The following SLC13A1 variants were observed in gnomAD, a reference collection of about 807,000 sequenced individuals.
The protein encoded by SLC13A1 is Na(+)/sulfate cotransporter.
SLC13A1 carries 65 observed loss-of-function variants against 70.0 expected under a neutral mutation model. That is an observed-to-expected ratio of 0.93 (90% CI 0.76 to 1.14). The LOEUF is 1.14. Ranked by LOEUF, SLC13A1 falls within the 50% of genes most tolerant of loss-of-function variation. The pLI is 0.00. For synonymous variants in SLC13A1, 275 were observed against 250.5 expected, an observed-to-expected ratio of 1.10 and a Z score of -0.92; for missense variants, 726 against 717.8, an observed-to-expected ratio of 1.01 and a Z score of -0.13.
At chr7:123,180,709 G>A (rs925169556) in intron 2 of SLC13A1, among the ~76,000 whole-genome samples, 2 of 152,048 alleles carry the variant, frequency 1.3e-5, no homozygotes, top group East Asian at 1.9e-4. Context: ...TGAGAGGGAG[G>A]CACTAGGCAT....
At position 123,183,095 on chromosome 7, in the gene SLC13A1, A is replaced by T. The variant is rs147123629; in HGVS notation, c.100-1994T>A. Among the ~76,000 whole-genome samples, 7 of 152,164 alleles carry T rather than the reference A, an allele frequency of 4.6e-5. No individual in the cohort carries two copies. The East Asian group carries it at 1.4e-3, about 29-fold the overall frequency. On this transcript the variant is annotated intron_variant, in intron 1 of 14. Coordinates refer to ENST00000194130, the MANE Select transcript of SLC13A1 (RefSeq NM_022444.4). ...TAGTATTCAGCCAGTTGGTATACCA[A>T]CAAGCCCCCAGATCCTTTATGTGCT... is the stretch of plus-strand genomic sequence containing the variant.
In SLC13A1 at chr7:123,127,838, A is replaced by ATTTT. The variant is rs201644707; in HGVS notation, c.1133+1003_1133+1006dup. ...ATTTTGGTTTCTACCCCAAAATACAATTTTTTTTTTTTTTTTTTTTTTTTT... is the reference window on the plus strand; with the variant it reads ...ATTTTGGTTTCTACCCCAAAATACAATTTTTTTTTTTTTTTTTTTTTTTTTTTTT... On this transcript the variant is annotated intron_variant, in intron 10 of 14. Coordinates refer to ENST00000194130, the MANE Select transcript of SLC13A1 (RefSeq NM_022444.4). 1.5e-3 allele frequency among the ~76,000 whole-genome samples: 165 copies of ATTTT among 106,768 alleles called. 4 individuals are homozygous for ATTTT. The highest frequency in any genetic ancestry group is 6.1e-3 in the African/African-American group (154 of 25,178). The allele number at this position is 106,768 out of a possible 152,430, so 70.0% of individuals were successfully genotyped here.
At chr7:123,163,198 A>G (rs1270693570) in intron 6 of SLC13A1, among the ~76,000 whole-genome samples, 2 of 152,086 alleles carry the variant, frequency 1.3e-5, no homozygotes, top group Non-Finnish European at 2.9e-5. Flanking sequence ...CCCCAATGGA[A>G]CCTGACAAAT....
At position 123,147,210 on chromosome 7, in the gene SLC13A1, G is replaced by T. The variant is rs764094212; in HGVS notation, c.761C>A (p.Thr254Lys). Residue 254 changes from threonine (T) to lysine (K), a missense_variant, in exon 7 of 15, where the codon ACA becomes AAA. By Grantham distance (78) the Thr-to-Lys change is moderately conservative. Transcript: ENST00000194130. ...IAYSSTIGGL[T>K]TITGTSTNLI... ...GTTGGTGGAGGTACCAGTGATTGTTGTCAGTCCACCAATGGTAGAAGAGTA... is the reference window on the plus strand; with the variant it reads ...GTTGGTGGAGGTACCAGTGATTGTTTTCAGTCCACCAATGGTAGAAGAGTA... 9.9e-6 allele frequency: 16 copies of T among 1,613,532 alleles called. No homozygotes were observed. Among genetic ancestry groups the T allele is most frequent in the Non-Finnish European group, 1.2e-5 (14 of 1,179,798 alleles).
intron 13 of SLC13A1, among the ~76,000 whole-genome samples, chr7:123,118,282 A>C (rs1312986842): frequency 6.6e-6 from 1 of 152,186 alleles, no homozygotes; most frequent in African/African-American, 2.4e-5. Context: ...TAACTGTTCC[A>C]TGTTGAGAAA....
At chr7:123,141,487 A>T (rs1198801171) in intron 7 of SLC13A1, among the ~76,000 whole-genome samples, 1 of 152,122 alleles carries the variant, frequency 6.6e-6, no homozygotes, top group Non-Finnish European at 1.5e-5. Context: ...TGGAAGGTCC[A>T]TCTAATGCTG....
At position 123,168,493 on chromosome 7, in the gene SLC13A1, G is replaced by T. The variant is rs780279061; in HGVS notation, c.611+11C>A. On this transcript the variant is annotated intron_variant, in intron 5 of 14. Coordinates refer to ENST00000194130, the MANE Select transcript of SLC13A1 (RefSeq NM_022444.4). ...TGGAAAAATCCCAATCAAAATGTCA[G>T]TATTCCTTACCCTGGAACTGGTTTT... is the stretch of plus-strand genomic sequence containing the variant. 3 of 1,606,022 alleles carry T rather than the reference G, an allele frequency of 1.9e-6. No homozygotes were observed. In the Admixed American group the frequency reaches 5.0e-5, roughly 27 times the overall value.
chr7:123,116,370 T>C (rs909976533), intron 14 of SLC13A1, among the ~76,000 whole-genome samples: 4 of 152,250 alleles, frequency 2.6e-5, no homozygotes, highest in Admixed American at 2.6e-4. Context: ...ATATTTTCTT[T>C]GCTTTCATGA....
rs1328886962 is a variant in SLC13A1, at chr7:123,114,514, T to G, written c.*1004A>C. The G allele has an allele frequency of 2.0e-5, 3 of 152,158 alleles. No homozygotes were observed. Among genetic ancestry groups the G allele is most frequent in the African/African-American group, 7.2e-5 (3 of 41,432 alleles). The allele number at this position is 152,158 out of a possible 1,614,324, so 9.4% of individuals were successfully genotyped here. A position where few individuals can be genotyped will look rare whatever the true frequency, so the allele number is the denominator to read the frequency against. On this transcript the variant is annotated 3_prime_UTR_variant, in exon 15 of 15. Transcript: ENST00000194130. ...TCAGCAGTTTTCATTCTTATTCTTT[T>G]TTCCTTCTTTTTTTCATTTTTTCAT...
At chr7:123,187,011 ATAC>A (rs1246532102) in intron 1 of SLC13A1, among the ~76,000 whole-genome samples, 1 of 152,046 alleles carries the variant, frequency 6.6e-6, no homozygotes, top group East Asian at 1.9e-4. Flanking sequence ...TTCCTCAAAA[ATAC>A]TACTTTTCTA....
intron 1 of SLC13A1, among the ~76,000 whole-genome samples, chr7:123,192,862 A>G (rs1796044605): frequency 6.6e-6 from 1 of 152,154 alleles, no homozygotes; most frequent in African/African-American, 2.4e-5. Context: ...GGATAGTAAA[A>G]ATAAGTTCAA....
At chr7:123,122,719 A>T (rs1793425309) in intron 12 of SLC13A1, among the ~76,000 whole-genome samples, 1 of 152,082 alleles carries the variant, frequency 6.6e-6, no homozygotes. Flanking sequence ...CAATAGCATC[A>T]TGATATACTG....
At chr7:123,134,377 T>A (rs777045141) in intron 8 of SLC13A1, 33 bp downstream of exon 8, 11 of 1,603,010 alleles carry the variant, frequency 6.9e-6, no homozygotes, top group African/African-American at 1.3e-5. Context: ...TAGACACCTT[T>A]ATTTAGCCTA....
intron 7 of SLC13A1, among the ~76,000 whole-genome samples, chr7:123,140,641 G>C (rs1417648624): frequency 6.6e-6 from 1 of 151,934 alleles, no homozygotes; most frequent in Non-Finnish European, 1.5e-5. Flanking sequence ...TTTCCTCATG[G>C]TTCAATCTTG....
chr7:123,123,064 C>A, intron 12 of SLC13A1, 62 bp downstream of exon 12: 2 of 1,270,038 alleles, frequency 1.6e-6, no homozygotes, highest in South Asian at 2.4e-5. Flanking sequence ...GATTGAATGT[C>A]TCTGTGCTCT....
At chr7:123,185,244 A>G (rs1349960971) in intron 1 of SLC13A1, among the ~76,000 whole-genome samples, 3 of 151,924 alleles carry the variant, frequency 2.0e-5, no homozygotes, top group African/African-American at 7.3e-5. Flanking sequence ...TTGTCTTTTC[A>G]CTTTTGATTT....
intron 6 of SLC13A1, among the ~76,000 whole-genome samples, chr7:123,151,690 G>A (rs2470977): frequency 0.025 from 3,748 of 152,046 alleles, 151 homozygotes; most frequent in African/African-American, 0.086. Context: ...TGAATTGTTC[G>A]AGGTCCCAGA....
chr7:123,115,290 CA>C lies in SLC13A1; in HGVS notation c.*227del, dbSNP rs10709989. The stretch of plus-strand genomic sequence containing the variant: ...TGCAGATGGTTCATGAGCAAAATCT[CA>C]AAACATGGGCTTCTTGATGAAGGCA... On this transcript the variant is annotated 3_prime_UTR_variant, in exon 15 of 15. Transcript: ENST00000194130. The C allele has an allele frequency of 0.55, 181,367 of 327,480 alleles. 51,385 individuals carry two copies. The highest frequency in any genetic ancestry group is 0.67 in the East Asian group (13,628 of 20,242). The allele number at this position is 327,480 out of a possible 1,614,324, so 20.3% of individuals were successfully genotyped here.
intron 13 of SLC13A1, 101 bp downstream of exon 13, chr7:123,118,980 T>A: frequency 9.3e-7 from 1 of 1,074,116 alleles, no homozygotes; most frequent in Non-Finnish European, 1.3e-6. Context: ...GGAGGCCCAT[T>A]TAGACCAAAA....
Sources: allele counts gnomAD v4.1 joint callset (sites outside exome capture counted in the v4.1 genomes callset), GRCh38; gene constraint gnomAD v4.1.1; transcripts MANE v1.5; gene names NCBI Gene and HGNC (gene_info 2026-07-23, HGNC 2026-07-21).